Variants in NMNAT2 observed in about 807,000 individuals in gnomAD.
The protein encoded by NMNAT2 is nicotinamide/nicotinic acid mononucleotide adenylyltransferase 2.
In NMNAT2, 11 loss-of-function variants were observed where a neutral mutation model predicts 41.6. The ratio of observed to expected loss-of-function variants is 0.26; its 90% CI spans 0.17 to 0.44. The LOEUF (loss-of-function observed/expected upper bound fraction) is 0.44, where lower values mean the gene tolerates loss of function less well. Among genes scored for constraint, NMNAT2 ranks in the 20% least tolerant of loss-of-function variants. NMNAT2 has a pLI of 1.00. For synonymous variants in NMNAT2, 148 were observed against 151.2 expected, an observed-to-expected ratio of 0.98 and a Z score of 0.16; for missense variants, 288 against 407.7, an observed-to-expected ratio of 0.71 and a Z score of 2.53.
At chr1:183,323,589 A>G (rs1202788725) in intron 1 of NMNAT2, among the ~76,000 whole-genome samples, 1 of 152,206 alleles carries the variant, frequency 6.6e-6, no homozygotes, top group Non-Finnish European at 1.5e-5. Flanking sequence ...GAAATCTGAG[A>G]ATGCAAAGAA....
chr1:183,275,155 C>T (rs1661090990), intron 8 of NMNAT2, among the ~76,000 whole-genome samples: 1 of 152,114 alleles, frequency 6.6e-6, no homozygotes, highest in South Asian at 2.1e-4. Flanking sequence ...TCCTCATGTT[C>T]GGGGTGTGCA....
intron 1 of NMNAT2, among the ~76,000 whole-genome samples, chr1:183,379,551 A>C (rs921331320): frequency 6.6e-6 from 1 of 152,202 alleles, no homozygotes; most frequent in Non-Finnish European, 1.5e-5. Context: ...TATACATGCA[A>C]ATTCTAACTA....
chr1:183,380,464 T>C (rs1463711493), intron 1 of NMNAT2, among the ~76,000 whole-genome samples: 2 of 152,222 alleles, frequency 1.3e-5, no homozygotes, highest in East Asian at 1.9e-4. Context: ...TATTACCATA[T>C]AATTTTTGTT....
intron 1 of NMNAT2, among the ~76,000 whole-genome samples, chr1:183,359,655 C>T (rs1024192996): frequency 3.9e-5 from 6 of 152,092 alleles, no homozygotes; most frequent in African/African-American, 1.4e-4. Context: ...GGAGACAGCT[C>T]GGGTTGTTGG....
At chr1:183,341,708 GACAA>G (rs1227562442) in intron 1 of NMNAT2, among the ~76,000 whole-genome samples, 1 of 13,250 alleles carries the variant, frequency 7.5e-5, no homozygotes, top group Non-Finnish European at 1.4e-4. Flanking sequence ...GAGAGGAAAA[GACAA>G]ACAAACAAAC....
intron 8 of NMNAT2, among the ~76,000 whole-genome samples, chr1:183,270,763 C>G (rs1660964887): frequency 6.6e-6 from 1 of 152,174 alleles, no homozygotes; most frequent in Non-Finnish European, 1.5e-5. Flanking sequence ...CGTTTGGTAT[C>G]AGTCGTATCA....
intron 1 of NMNAT2, among the ~76,000 whole-genome samples, chr1:183,312,679 A>AT (rs2102325137): frequency 6.6e-6 from 1 of 152,050 alleles, no homozygotes; most frequent in South Asian, 2.1e-4. Context: ...GCTAAATAGG[A>AT]TTTTCCAAGT....
At chr1:183,366,157 A>G (rs1663405849) in intron 1 of NMNAT2, among the ~76,000 whole-genome samples, 1 of 152,210 alleles carries the variant, frequency 6.6e-6, no homozygotes. Context: ...GGCAGAAATT[A>G]TCATTGTATG....
At chr1:183,379,950 A>C (rs946258711) in intron 1 of NMNAT2, among the ~76,000 whole-genome samples, 1 of 152,220 alleles carries the variant, frequency 6.6e-6, no homozygotes, top group African/African-American at 2.4e-5. Context: ...GAATCATCAT[A>C]CTTTAGTCCT....
chr1:183,371,236 A>G, intron 1 of NMNAT2, among the ~76,000 whole-genome samples: 1 of 152,356 alleles, frequency 6.6e-6, no homozygotes, highest in East Asian at 1.9e-4. Flanking sequence ...TATATACAGC[A>G]TGATTCCAAT....
intron 1 of NMNAT2, among the ~76,000 whole-genome samples, chr1:183,320,004 G>C (rs1662326955): frequency 6.6e-6 from 1 of 152,202 alleles, no homozygotes; most frequent in Admixed American, 6.5e-5. Context: ...CTGTCTCTCT[G>C]GCTGAACTAG....
At chr1:183,366,257 C>G (rs1199584409) in intron 1 of NMNAT2, among the ~76,000 whole-genome samples, 1 of 152,176 alleles carries the variant, frequency 6.6e-6, no homozygotes, top group Non-Finnish European at 1.5e-5. Flanking sequence ...AAGCTATACA[C>G]CTTGGGCAAA....
In NMNAT2 at chr1:183,250,597, T is replaced by C. The variant is rs1660349938; in HGVS notation, c.*2044A>G. 1 of 152,632 alleles carries C rather than the reference T, an allele frequency of 6.6e-6. No individual in the cohort carries two copies. The highest frequency in any genetic ancestry group is 2.4e-5 in the African/African-American group (1 of 41,450). The allele number at this position is 152,632 out of a possible 1,614,324, so 9.5% of individuals were successfully genotyped here. A position where few individuals can be genotyped will look rare whatever the true frequency, so the allele number is the denominator to read the frequency against. ...CAGGCCCTACACCTGCTGGCTGACC[T>C]GGACCAGCCATTTAATCCCATGGGC... On this transcript the variant is annotated 3_prime_UTR_variant, in exon 11 of 11. Transcript: ENST00000287713.
chr1:183,403,978 A>G (rs1474433375), intron 1 of NMNAT2, among the ~76,000 whole-genome samples: 1 of 152,206 alleles, frequency 6.6e-6, no homozygotes, highest in East Asian at 1.9e-4. Context: ...GAAGAAATGG[A>G]AGAAAAAGGG....
chr1:183,308,372 C>A (rs1662041812), intron 1 of NMNAT2, among the ~76,000 whole-genome samples: 1 of 152,146 alleles, frequency 6.6e-6, no homozygotes, highest in Non-Finnish European at 1.5e-5. Flanking sequence ...ATTGATAAAG[C>A]CTTTTAGGAG....
At chr1:183,344,144 T>A (rs986433067) in intron 1 of NMNAT2, among the ~76,000 whole-genome samples, 1 of 152,226 alleles carries the variant, frequency 6.6e-6, no homozygotes, top group Non-Finnish European at 1.5e-5. Flanking sequence ...ATTTTCATCA[T>A]CATTATACTC....
intron 1 of NMNAT2, among the ~76,000 whole-genome samples, chr1:183,416,311 G>C (rs1250545145): frequency 1.3e-5 from 2 of 152,218 alleles, no homozygotes; most frequent in African/African-American, 4.8e-5. Flanking sequence ...TAGAGCCACA[G>C]AGTTTCATCC....
At chr1:183,355,633 G>C (rs920615935) in intron 1 of NMNAT2, among the ~76,000 whole-genome samples, 1 of 152,212 alleles carries the variant, frequency 6.6e-6, no homozygotes, top group Non-Finnish European at 1.5e-5. Flanking sequence ...ATTAATAGAT[G>C]TGCATTACAT....
intron 1 of NMNAT2, among the ~76,000 whole-genome samples, chr1:183,397,032 T>C (rs541683596): frequency 6.6e-6 from 1 of 152,292 alleles, no homozygotes; most frequent in South Asian, 2.1e-4. Context: ...TCAAAGCACA[T>C]AGGTCTACAT....
Sources: allele counts gnomAD v4.1 joint callset (sites outside exome capture counted in the v4.1 genomes callset), GRCh38; gene constraint gnomAD v4.1.1; transcripts MANE v1.5; gene names NCBI Gene and HGNC (gene_info 2026-07-23, HGNC 2026-07-21).